EML6: variants seen among roughly 807,000 people sequenced by gnomAD.
EML6 encodes echinoderm microtubule-associated protein-like 6.
Under a neutral mutation model 240.1 loss-of-function variants are expected in EML6, and 154 were observed. The observed-to-expected ratio is 0.64, with a 90% CI of 0.56 to 0.73. EML6 has a LOEUF of 0.73. Ranked by LOEUF, EML6 falls within the 30% of genes least tolerant of loss-of-function variation. EML6 has a pLI of 0.00. For synonymous variants in EML6, 1,148 were observed against 899.0 expected (o/e 1.28, Z -4.95); for missense variants, 2,964 against 2,474.6 (o/e 1.20, Z -4.20).
chr2:54,813,242 C>T lies in EML6; in HGVS notation c.208C>T (p.His70Tyr), dbSNP rs748255769. The T allele has an allele frequency of 1.9e-6, 3 of 1,549,734 alleles. No individual in the cohort carries two copies. Among genetic ancestry groups the T allele is most frequent in the Admixed American group, 3.9e-5 (2 of 50,774 alleles). Reference protein sequence around the residue: ...HNDDIISLALHPDKTLVATGQ... With the variant: ...HNDDIISLALYPDKTLVATGQ... Reference sequence around the variant, plus strand: ...CCTTTTCTCTTTCAGCCTTGCCTTACACCCAGACAAAACTCTCGTTGCAAC... The same window carrying T: ...CCTTTTCTCTTTCAGCCTTGCCTTATACCCAGACAAAACTCTCGTTGCAAC... The change falls in exon 3 of 42, where the codon CAC becomes TAC. Residue 70 changes from histidine (H) to tyrosine (Y), a missense_variant. Physicochemically the swap from His to Tyr is moderately conservative, Grantham distance 83. Transcript: ENST00000356458.
chr2:54,857,832 C>T (rs1670468450), intron 11 of EML6, among the ~76,000 whole-genome samples: 1 of 152,004 alleles, frequency 6.6e-6, no homozygotes, highest in Non-Finnish European at 1.5e-5. Context: ...GACCAATGTA[C>T]CCAGAGCAGA....
intron 5 of EML6, among the ~76,000 whole-genome samples, chr2:54,823,129 T>G (rs1440375336): frequency 6.6e-6 from 1 of 152,250 alleles, no homozygotes; most frequent in African/African-American, 2.4e-5. Flanking sequence ...ACTTTCAATT[T>G]GCTTGAAGTT....
chr2:54,927,564 A>G (rs1421082758), intron 26 of EML6, among the ~76,000 whole-genome samples: 3 of 152,156 alleles, frequency 2.0e-5, no homozygotes, highest in African/African-American at 7.2e-5. Flanking sequence ...CATGAGCTGA[A>G]TATGGAAGCT....
intron 2 of EML6, among the ~76,000 whole-genome samples, chr2:54,792,194 G>A (rs1043237754): frequency 4.6e-5 from 7 of 152,164 alleles, no homozygotes; most frequent in African/African-American, 1.7e-4. Flanking sequence ...CTTTTGACAT[G>A]TAATATTTTC....
Position 54,741,211 on chromosome 2 carries a change from C to G in EML6, c.197+15953C>G, listed in dbSNP as rs549644419. Among the ~76,000 whole-genome samples the G allele has an allele frequency of 9.2e-5, 14 of 152,180 alleles. No individual in the cohort carries two copies. In the South Asian group the frequency reaches 2.9e-3, roughly 32 times the overall value. On this transcript the variant is annotated intron_variant, in intron 2 of 41. Coordinates refer to ENST00000356458, the MANE Select transcript of EML6 (RefSeq NM_001039753.4). The stretch of plus-strand genomic sequence containing the variant: ...TCTATCTTACTGCTTCTGCCCTGGT[C>G]CACATCCCTGGTTTTGTGTGGATGG...
At chr2:54,940,641 C>A (rs1382245387) in intron 28 of EML6, among the ~76,000 whole-genome samples, 1 of 152,212 alleles carries the variant, frequency 6.6e-6, no homozygotes, top group Non-Finnish European at 1.5e-5. Context: ...AATATTTAAT[C>A]TGTCTTCAAG....
At chr2:54,888,968 C>T (rs1672308278) in intron 17 of EML6, among the ~76,000 whole-genome samples, 1 of 152,188 alleles carries the variant, frequency 6.6e-6, no homozygotes, top group African/African-American at 2.4e-5. Context: ...TATCATTTTG[C>T]ATTCCCACCA....
chr2:54,829,603 C>G (rs1668765924), intron 7 of EML6, 126 bp downstream of exon 7: 5 of 655,284 alleles, frequency 7.6e-6, no homozygotes, highest in Admixed American at 3.4e-5. Flanking sequence ...TGAATACAAG[C>G]AAAAGTATGT....
intron 9 of EML6, 114 bp downstream of exon 9, chr2:54,847,737 T>C: frequency 2.7e-6 from 3 of 1,131,084 alleles, no homozygotes; most frequent in Non-Finnish European, 1.2e-6. Context: ...GCCATTCAAA[T>C]AGGAATACTA....
Position 54,964,558 on chromosome 2 carries a change from T to C in EML6, c.5331-13T>C, listed in dbSNP as rs1217194278. On this transcript the variant is annotated splice_polypyrimidine_tract_variant and intron_variant, in intron 37 of 41. Transcript: ENST00000356458. Reference sequence around the variant, plus strand: ...CCTCCTCATGGACTCTGCTCTCGGATTGCTTTTTCTAGAATCAGCCCAGAC... The same window carrying C: ...CCTCCTCATGGACTCTGCTCTCGGACTGCTTTTTCTAGAATCAGCCCAGAC... 2 of 1,552,194 alleles carry C rather than the reference T, an allele frequency of 1.3e-6. No individual in the cohort carries two copies. The highest frequency in any genetic ancestry group is 1.4e-5 in the African/African-American group (1 of 73,176).
chr2:54,907,423 G>T (rs562198649), intron 24 of EML6, among the ~76,000 whole-genome samples: 1 of 152,252 alleles, frequency 6.6e-6, no homozygotes, highest in East Asian at 1.9e-4. Context: ...CAGGAGAATC[G>T]CTTGAACCGG....
chr2:54,800,061 ATG>A (rs1327987293), intron 2 of EML6, among the ~76,000 whole-genome samples: 1 of 152,144 alleles, frequency 6.6e-6, no homozygotes, highest in Non-Finnish European at 1.5e-5. Context: ...CCTGGCCAAC[ATG>A]GTGAAACCCC....
At chr2:54,816,996 T>C in intron 4 of EML6, 111 bp downstream of exon 4, 2 of 690,618 alleles carry the variant, frequency 2.9e-6, no homozygotes, top group South Asian at 3.6e-5. Context: ...TATACATTTT[T>C]TCCTATTAAA....
intron 2 of EML6, among the ~76,000 whole-genome samples, chr2:54,796,852 G>C (rs1033631699): frequency 2.0e-5 from 3 of 152,030 alleles, no homozygotes; most frequent in Non-Finnish European, 2.9e-5. Context: ...ATTCAGACAA[G>C]GACTCCTCAC....
intron 9 of EML6, among the ~76,000 whole-genome samples, chr2:54,848,311 A>G (rs532035440): frequency 6.6e-6 from 1 of 152,332 alleles, no homozygotes; most frequent in African/African-American, 2.4e-5. Context: ...ATGCAGCTAT[A>G]AAGTAAATAT....
chr2:54,960,681 A>G (rs1676455703), intron 35 of EML6, among the ~76,000 whole-genome samples: 1 of 152,208 alleles, frequency 6.6e-6, no homozygotes, highest in South Asian at 2.1e-4. Context: ...ATATCCTCAT[A>G]AGCTCAGAGA....
rs1418964992 is a variant in EML6, at chr2:54,895,222, A to G, written c.2855-51A>G. On this transcript the variant is annotated intron_variant, in intron 20 of 41. Transcript: ENST00000356458. ...GAGCTATAAAAATTGAATTTATACT[A>G]ATAAGCAGTTGTTTTTGTTATTGTG... 19 of 1,543,126 alleles carry G rather than the reference A, an allele frequency of 1.2e-5. No homozygotes were observed. The East Asian group carries it at 3.4e-4, about 28-fold the overall frequency.
intron 25 of EML6, among the ~76,000 whole-genome samples, chr2:54,913,296 G>A (rs1573129984): frequency 1.3e-5 from 2 of 151,264 alleles, no homozygotes; most frequent in South Asian, 4.2e-4. Flanking sequence ...CACCCAGGCT[G>A]GAGTGTAGCG....
intron 26 of EML6, among the ~76,000 whole-genome samples, chr2:54,923,155 G>A (rs997106964): frequency 6.6e-6 from 1 of 151,842 alleles, no homozygotes; most frequent in Non-Finnish European, 1.5e-5. Flanking sequence ...TGATCAGGCT[G>A]GTCTCGAACT....
Sources: gnomAD v4.1 joint callset for allele counts (sites outside exome capture counted in the v4.1 genomes callset) on GRCh38, gnomAD v4.1.1 for gene constraint, MANE v1.5 for transcripts, NCBI Gene and HGNC (gene_info 2026-07-23, HGNC 2026-07-21) for gene names.